KLF12: variants seen among roughly 807,000 people sequenced by gnomAD.
KLF12 encodes the protein Krueppel-like factor 12.
KLF12 carries 9 observed loss-of-function variants against 37.8 expected under a neutral mutation model. The ratio of observed to expected loss-of-function variants is 0.24; its 90% CI spans 0.14 to 0.42. KLF12 has a LOEUF of 0.42. Among genes scored for constraint, KLF12 ranks in the 10% least tolerant of loss-of-function variants. The pLI, the probability that KLF12 is intolerant of heterozygous loss-of-function variation, is 1.00. For synonymous variants in KLF12, 208 were observed against 202.1 expected, an observed-to-expected ratio of 1.03 and a Z score of -0.25; for missense variants, 411 against 516.0, an observed-to-expected ratio of 0.80 and a Z score of 1.97.
intron 1 of KLF12, among the ~76,000 whole-genome samples, chr13:74,005,155 C>T (rs1414833690): frequency 6.6e-6 from 1 of 152,102 alleles, no homozygotes; most frequent in Non-Finnish European, 1.5e-5. Context: ...AGATTCTTTG[C>T]TGATTCTGAA....
chr13:74,050,171 G>C (rs1014071468), intron 1 of KLF12, among the ~76,000 whole-genome samples: 7 of 152,182 alleles, frequency 4.6e-5, no homozygotes, highest in African/African-American at 1.7e-4. Flanking sequence ...AGAGTGGGGA[G>C]AGAAAAGTAA....
intron 4 of KLF12, among the ~76,000 whole-genome samples, chr13:73,827,988 C>G (rs1370123087): frequency 6.6e-6 from 1 of 152,092 alleles, no homozygotes; most frequent in African/African-American, 2.4e-5. Flanking sequence ...TTTCTGTTTG[C>G]AAAGGTATAT....
Position 74,047,435 on chromosome 13 carries a change from C to CAA in KLF12, c.-31-52384_-31-52383dup, listed in dbSNP as rs11378919. On this transcript the variant is annotated intron_variant, in intron 1 of 7. Coordinates refer to ENST00000377669, the MANE Select transcript of KLF12 (RefSeq NM_007249.5). Reference sequence around the variant, plus strand: ...CGAAACCCCGTCTCTACTAAAAATACAAAAAAAAAAAATTAGCCAGGCGTG... The same window carrying CAA: ...CGAAACCCCGTCTCTACTAAAAATACAAAAAAAAAAAAAATTAGCCAGGCGTG... Among the ~76,000 whole-genome samples the CAA allele has an allele frequency of 6.5e-3, 945 of 146,142 alleles. 8 individuals are homozygous for CAA. The highest frequency in any genetic ancestry group is 0.02 in the African/African-American group (800 of 39,736).
intron 5 of KLF12, among the ~76,000 whole-genome samples, chr13:73,792,025 T>C (rs1881714853): frequency 6.6e-6 from 1 of 152,196 alleles, no homozygotes; most frequent in Non-Finnish European, 1.5e-5. Flanking sequence ...GTTCCTATGT[T>C]TATATACATA....
intron 1 of KLF12, among the ~76,000 whole-genome samples, chr13:74,006,519 TATC>T (rs1892413284): frequency 6.6e-6 from 1 of 152,200 alleles, no homozygotes; most frequent in African/African-American, 2.4e-5. Flanking sequence ...AAAATACATT[TATC>T]ATCTTATTGT....
intron 3 of KLF12, among the ~76,000 whole-genome samples, chr13:73,854,201 AACCTGTTGTAT>A (rs1885484047): frequency 6.6e-6 from 1 of 152,212 alleles, no homozygotes; most frequent in Non-Finnish European, 1.5e-5. Context: ...CTGCCAGAAA[AACCTGTTGTAT>A]AGACTTTTAG....
intron 1 of KLF12, among the ~76,000 whole-genome samples, chr13:74,037,215 A>G (rs1893271914): frequency 6.6e-6 from 1 of 152,092 alleles, no homozygotes; most frequent in Admixed American, 6.6e-5. Flanking sequence ...AAAAAAAAAA[A>G]AAAAAAACTT....
intron 1 of KLF12, among the ~76,000 whole-genome samples, chr13:74,020,500 A>C (rs1269170829): frequency 1.3e-5 from 2 of 152,214 alleles, no homozygotes; most frequent in African/African-American, 2.4e-5. Context: ...GGCCAGGATC[A>C]GGAAAAATGA....
chr13:74,100,618 AAT>A (rs56256469), intron 1 of KLF12, among the ~76,000 whole-genome samples: 13 of 149,446 alleles, frequency 8.7e-5, no homozygotes, highest in East Asian at 5.9e-4. Flanking sequence ...GTCCATCTCA[AAT>A]ATATATATAT....
At chr13:74,065,636 A>T (rs1198269408) in intron 1 of KLF12, among the ~76,000 whole-genome samples, 1 of 152,102 alleles carries the variant, frequency 6.6e-6, no homozygotes, top group African/African-American at 2.4e-5. Context: ...GAATCCAGGG[A>T]CAGAGGATCA....
chr13:73,780,824 C>G (rs1880919395), intron 5 of KLF12, among the ~76,000 whole-genome samples: 1 of 152,226 alleles, frequency 6.6e-6, no homozygotes, highest in South Asian at 2.1e-4. Context: ...CCTGGTGAAG[C>G]TGCTGTTTAC....
At chr13:74,226,944 C>A in the KLF12 span, among the ~76,000 whole-genome samples, 1 of 152,120 alleles carries the variant, frequency 6.6e-6, no homozygotes, top group Non-Finnish European at 1.5e-5. Flanking sequence ...AGTCTCCTAA[C>A]AGATTTCTTT....
At chr13:74,228,949 C>T in the KLF12 span, among the ~76,000 whole-genome samples, 1 of 151,130 alleles carries the variant, frequency 6.6e-6, no homozygotes, top group Non-Finnish European at 1.5e-5. Context: ...AATGTTAATA[C>T]CATTGGAATC....
intron 1 of KLF12, among the ~76,000 whole-genome samples, chr13:74,115,961 A>G (rs1238769101): frequency 6.6e-6 from 1 of 152,144 alleles, no homozygotes; most frequent in Non-Finnish European, 1.5e-5. Flanking sequence ...CAATATTCAC[A>G]TATTCCCAGG....
upstream of KLF12, among the ~76,000 whole-genome samples, chr13:74,133,960 C>T (rs1202393897): frequency 6.6e-6 from 1 of 152,088 alleles, no homozygotes; most frequent in African/African-American, 2.4e-5. Flanking sequence ...GTTGTACTTG[C>T]AAATGACTTA....
chr13:73,870,093 C>T (rs1225796310), intron 3 of KLF12, among the ~76,000 whole-genome samples: 1 of 152,184 alleles, frequency 6.6e-6, no homozygotes, highest in Non-Finnish European at 1.5e-5. Context: ...TTCACCTCTC[C>T]ATTCTATATC....
At chr13:73,948,447 G>A (rs551879713) in intron 2 of KLF12, among the ~76,000 whole-genome samples, 2 of 152,194 alleles carry the variant, frequency 1.3e-5, no homozygotes, top group African/African-American at 4.8e-5. Flanking sequence ...TCGAACTCCC[G>A]GCCTCAAGTG....
the KLF12 span, among the ~76,000 whole-genome samples, chr13:74,237,422 C>T: frequency 5.8e-5 from 8 of 138,896 alleles, no homozygotes; most frequent in East Asian, 2.0e-4. Context: ...TTTGGCGACG[C>T]GGGCTCTTTT....
chr13:74,148,403 C>CTTTTTTTTTTTTTTTT, the KLF12 span, among the ~76,000 whole-genome samples: 1 of 73,484 alleles, frequency 1.4e-5, no homozygotes, highest in Non-Finnish European at 2.4e-5. Flanking sequence ...CAAAACTGCT[C>CTTTTTTTTTTTTTTTT]TTTTTTTTTT....
Sources: gnomAD v4.1 joint callset for allele counts (sites outside exome capture counted in the v4.1 genomes callset) on GRCh38, gnomAD v4.1.1 for gene constraint, MANE v1.5 for transcripts, NCBI Gene and HGNC (gene_info 2026-07-23, HGNC 2026-07-21) for gene names.